Variants in ABCG1 observed in about 807,000 individuals in gnomAD.
ABCG1 encodes the protein ATP-binding cassette sub-family G member 1.
A neutral mutation model predicts 69.2 loss-of-function variants in ABCG1; 29 were observed. That is an observed-to-expected ratio of 0.42 (90% CI 0.31 to 0.57). ABCG1 has a LOEUF of 0.57. Among genes scored for constraint, ABCG1 ranks in the 20% least tolerant of loss-of-function variants. The pLI, the probability that ABCG1 is intolerant of heterozygous loss-of-function variation, is 0.15. For missense variants in ABCG1, 718 were observed against 898.1 expected (o/e 0.80, Z 2.56); for synonymous variants, 370 against 374.8 (o/e 0.99, Z 0.15).
At chr21:42,229,372 C>T (rs1376071235) in intron 2 of ABCG1, among the ~76,000 whole-genome samples, 2 of 152,172 alleles carry the variant, frequency 1.3e-5, no homozygotes, top group Non-Finnish European at 2.9e-5. Flanking sequence ...GGCTGGATGT[C>T]CTGGCATTGC....
chr21:42,268,157 C>T (rs1205099991), intron 2 of ABCG1, among the ~76,000 whole-genome samples: 5 of 152,170 alleles, frequency 3.3e-5, no homozygotes, highest in Non-Finnish European at 5.9e-5. Flanking sequence ...CAGTGGAAGA[C>T]AGTGTGCCCT....
intron 6 of ABCG1, among the ~76,000 whole-genome samples, chr21:42,284,223 AC>A (rs371298411): frequency 1.4e-4 from 15 of 110,286 alleles, no homozygotes; most frequent in South Asian, 6.4e-4. Flanking sequence ...ATGAGTGGGG[AC>A]CCCCCCACCT....
chr21:42,254,892 A>G (rs2068278192), intron 2 of ABCG1, among the ~76,000 whole-genome samples: 1 of 152,220 alleles, frequency 6.6e-6, no homozygotes, highest in Admixed American at 6.5e-5. Context: ...TCATCCCATC[A>G]ATGTTGGCAT....
intron 2 of ABCG1, among the ~76,000 whole-genome samples, chr21:42,231,440 G>A (rs960472684): frequency 3.3e-5 from 5 of 152,178 alleles, no homozygotes; most frequent in South Asian, 2.1e-4. Context: ...TAAATATTCC[G>A]GGCAGCGCCA....
intron 2 of ABCG1, among the ~76,000 whole-genome samples, chr21:42,268,395 G>GTGCA (rs1348858277): frequency 1.1e-3 from 167 of 152,062 alleles, no homozygotes; most frequent in African/African-American, 3.7e-3. Context: ...GTGTGCGCGC[G>GTGCA]CGCGCTGGAT....
At chr21:42,239,593 C>T (rs1357185777) in intron 2 of ABCG1, among the ~76,000 whole-genome samples, 1 of 152,198 alleles carries the variant, frequency 6.6e-6, no homozygotes. Flanking sequence ...AGTGGAGGGG[C>T]AAGGGGAGGT....
At chr21:42,240,155 G>A (rs1437020332) in intron 2 of ABCG1, among the ~76,000 whole-genome samples, 1 of 152,232 alleles carries the variant, frequency 6.6e-6, no homozygotes, top group Non-Finnish European at 1.5e-5. Context: ...GTCACACAGT[G>A]TTATGCCAGA....
Position 42,291,560 on chromosome 21 carries a change from C to G in ABCG1, c.1557C>G (p.Ala519=), listed in dbSNP as rs779369839. 1.2e-6 allele frequency: 2 copies of G among 1,613,582 alleles called. No individual in the cohort carries two copies. The highest frequency in any genetic ancestry group is 2.2e-5 in the South Asian group (2 of 91,076). ...VYWMTSQPSD[A]VRFVLFAALG... ...GGATGACGTCGCAGCCGTCCGACGCCGTGCGCTTTGTGCTGTTTGCCGCGC... is the reference window on the plus strand; with the variant it reads ...GGATGACGTCGCAGCCGTCCGACGCGGTGCGCTTTGTGCTGTTTGCCGCGC... The change falls in exon 13 of 15, where the codon GCC becomes GCG. Residue 519 remains alanine (A), a synonymous_variant. Coordinates refer to ENST00000398449, the MANE Select transcript of ABCG1 (RefSeq NM_016818.3). The surrounding 1 kb of genome is among the most constrained non-coding windows in gnomAD (Gnocchi z 6.4).
intron 2 of ABCG1, among the ~76,000 whole-genome samples, chr21:42,248,663 G>A (rs2123635542): frequency 6.6e-6 from 1 of 152,130 alleles, no homozygotes; most frequent in Middle Eastern, 3.4e-3. Flanking sequence ...CGAGGCGGGT[G>A]AATTGTTTGA....
intron 5 of ABCG1, among the ~76,000 whole-genome samples, chr21:42,278,902 G>C (rs1434653323): frequency 6.6e-6 from 1 of 151,974 alleles, no homozygotes; most frequent in South Asian, 2.1e-4. Flanking sequence ...CCAGTCCTGG[G>C]CCCTCCTTGC....
chr21:42,291,448 G>A lies in ABCG1; in HGVS notation c.1495-50G>A. On this transcript the variant is annotated intron_variant, in intron 12 of 14. Coordinates refer to ENST00000398449, the MANE Select transcript of ABCG1 (RefSeq NM_016818.3). This position sits in a 1 kb window ranked among gnomAD's most constrained non-coding sequence, Gnocchi z 6.4. ...TGCCCAGGAGCTTTGCTGTTGGCCT[G>A]CTGTGGTGGGAAGCGGCTGAGCCCG... 6.3e-7 allele frequency: 1 copy of A among 1,577,578 alleles called. No homozygotes were observed. Among genetic ancestry groups the A allele is most frequent in the Non-Finnish European group, 8.6e-7 (1 of 1,156,780 alleles).
chr21:42,254,847 C>T (rs529706024), intron 2 of ABCG1, among the ~76,000 whole-genome samples: 1 of 151,980 alleles, frequency 6.6e-6, no homozygotes, highest in Admixed American at 6.6e-5. Context: ...GAATGGGGAG[C>T]GAGGGGGAGG....
intron 2 of ABCG1, among the ~76,000 whole-genome samples, chr21:42,264,970 G>C (rs538301919): frequency 6.6e-6 from 1 of 152,224 alleles, no homozygotes; most frequent in Non-Finnish European, 1.5e-5. Context: ...CAGACAGTGA[G>C]TGGGAGGGTG....
In ABCG1 at chr21:42,271,194, A is replaced by T; in HGVS notation, c.404+7A>T. ...ACATCCTGGCTGGATACAGGTGAGC[A>T]GCCCTGCCCAGGGCGCAAAGTTCTC... On this transcript the variant is annotated splice_region_variant and intron_variant, in intron 3 of 14. Transcript: ENST00000398449. 6.6e-7 allele frequency: 1 copy of T among 1,518,890 alleles called. No homozygotes were observed. Among genetic ancestry groups the T allele is most frequent in the Non-Finnish European group, 8.8e-7 (1 of 1,136,102 alleles). The allele number at this position is 1,518,890 out of a possible 1,614,324, so 94.1% of individuals were successfully genotyped here.
At position 42,276,764 on chromosome 21, in the gene ABCG1, C is replaced by T. The variant is rs1347508593; in HGVS notation, c.538-131C>T. 3.4e-6 allele frequency: 3 copies of T among 873,986 alleles called. No homozygotes were observed. The highest frequency in any genetic ancestry group is 5.6e-6 in the Non-Finnish European group (3 of 533,228). The allele number at this position is 873,986 out of a possible 1,614,324, so 54.1% of individuals were successfully genotyped here. On this transcript the variant is annotated intron_variant, in intron 4 of 14. Transcript: ENST00000398449. The surrounding 1 kb of genome is among the most constrained non-coding windows in gnomAD (Gnocchi z 5.3). ...TGGCTAGCTGCACTGTGGGTAGCTGCACCGTGGCTAGTGGCACTGTGGCTA... is the reference window on the plus strand; with the variant it reads ...TGGCTAGCTGCACTGTGGGTAGCTGTACCGTGGCTAGTGGCACTGTGGCTA...
intron 2 of ABCG1, among the ~76,000 whole-genome samples, chr21:42,230,767 A>G (rs894446036): frequency 4.6e-5 from 7 of 152,204 alleles, no homozygotes; most frequent in African/African-American, 1.7e-4. Flanking sequence ...GGCGGTTCCC[A>G]CGCGTAGTTG....
chr21:42,206,374 A>C (rs2067542501), intron 2 of ABCG1, among the ~76,000 whole-genome samples: 1 of 146,802 alleles, frequency 6.8e-6, no homozygotes, highest in Non-Finnish European at 1.5e-5. Context: ...AAATAAATAA[A>C]TAAATAAATA....
intron 2 of ABCG1, among the ~76,000 whole-genome samples, chr21:42,251,523 C>G (rs225374): frequency 0.41 from 61,810 of 151,734 alleles, 12,807 homozygotes; most frequent in East Asian, 0.59. Flanking sequence ...GCTCGATGAG[C>G]GGGCAGGACA....
intron 5 of ABCG1, among the ~76,000 whole-genome samples, chr21:42,280,263 G>A (rs887815836): frequency 2.0e-5 from 3 of 152,256 alleles, no homozygotes; most frequent in Admixed American, 6.5e-5. Flanking sequence ...TGTGCACCTA[G>A]GTCAAAGTTC....
Sources: gnomAD v4.1 joint callset for allele counts (sites outside exome capture counted in the v4.1 genomes callset) on GRCh38, gnomAD v4.1.1 for gene constraint, Gnocchi (gnomAD v3.1) non-coding constraint, MANE v1.5 for transcripts, NCBI Gene and HGNC (gene_info 2026-07-23, HGNC 2026-07-21) for gene names.